KCNU1: variants seen among roughly 807,000 people sequenced by gnomAD.
KCNU1 encodes potassium channel subfamily U member 1.
KCNU1 carries 93 observed loss-of-function variants against 126.8 expected under a neutral mutation model. The observed-to-expected ratio is 0.73, with a 90% CI of 0.62 to 0.87. The LOEUF (loss-of-function observed/expected upper bound fraction) is 0.87, where lower values mean the gene tolerates loss of function less well. KCNU1 is among the 40% of genes least tolerant of loss of function. The pLI is 0.00. For synonymous variants in KCNU1, 523 were observed against 494.2 expected (o/e 1.06, Z -0.77); for missense variants, 1,330 against 1,367.1 (o/e 0.97, Z 0.43).
At chr8:36,796,222 C>A (rs1480176722) in intron 2 of KCNU1, among the ~76,000 whole-genome samples, 3 of 152,092 alleles carry the variant, frequency 2.0e-5, no homozygotes, top group Non-Finnish European at 4.4e-5. Context: ...GAGTGGCTAT[C>A]TTTTCTACTT....
intron 19 of KCNU1, among the ~76,000 whole-genome samples, chr8:36,902,501 A>C (rs1372951823): frequency 6.6e-6 from 1 of 152,074 alleles, no homozygotes; most frequent in Non-Finnish European, 1.5e-5. Flanking sequence ...TGTAGACTTG[A>C]GTGCTGAGGG....
intron 2 of KCNU1, among the ~76,000 whole-genome samples, chr8:36,800,680 C>G (rs1803270415): frequency 6.6e-6 from 1 of 152,198 alleles, no homozygotes; most frequent in East Asian, 1.9e-4. Context: ...GCTCCTCCAA[C>G]CCAATGAAAA....
chr8:36,924,297 T>C (rs1808463588), intron 24 of KCNU1, among the ~76,000 whole-genome samples: 1 of 152,152 alleles, frequency 6.6e-6, no homozygotes, highest in Admixed American at 6.5e-5. Context: ...CTGAGCACAG[T>C]TGATGAACTT....
intron 18 of KCNU1, among the ~76,000 whole-genome samples, chr8:36,856,308 A>T (rs1416167330): frequency 6.6e-6 from 1 of 152,096 alleles, no homozygotes; most frequent in African/African-American, 2.4e-5. Flanking sequence ...CACCCTGTGT[A>T]TAGCTCATGC....
intron 2 of KCNU1, among the ~76,000 whole-genome samples, chr8:36,789,757 T>G (rs1802839139): frequency 6.6e-6 from 1 of 152,150 alleles, no homozygotes; most frequent in Admixed American, 6.5e-5. Flanking sequence ...AAAGGTAAGA[T>G]TTGAGCTAAA....
intron 10 of KCNU1, among the ~76,000 whole-genome samples, chr8:36,824,746 A>G (rs961399520): frequency 1.3e-5 from 2 of 152,264 alleles, no homozygotes; most frequent in African/African-American, 2.4e-5. Flanking sequence ...ATGTGTATAA[A>G]TGGAATATAA....
chr8:36,884,078 C>T (rs751380347), intron 19 of KCNU1, among the ~76,000 whole-genome samples: 1 of 152,104 alleles, frequency 6.6e-6, no homozygotes, highest in African/African-American at 2.4e-5. Context: ...TGTTACCCAC[C>T]TCTTTATTAT....
Position 36,845,812 on chromosome 8 carries a change from T to C in KCNU1, c.1804T>C (p.Tyr602His). Residue 602 changes from tyrosine to histidine, a missense_variant, in exon 18 of 27, where the codon TAC (tyrosine) becomes CAC (histidine). Physicochemically the swap from Tyr to His is moderately conservative, Grantham distance 83 (BLOSUM62 2). Around this residue, in one of 3 missense-constraint regions of KCNU1, gnomAD observed 1,054 missense variants for 1,053.9 expected, o/e 1.00. Transcript: ENST00000399881. ...TCTTTCATTGTCCAGAGCCTTGTTT[T>C]ACTGTTCAGTCTGTCATGATGATGT... ...TPKDVRRALF[Y>H]CSVCHDDVFI... 1 of 1,608,530 alleles carries C rather than the reference T, an allele frequency of 6.2e-7. No homozygotes were observed. Among genetic ancestry groups the C allele is most frequent in the South Asian group, 1.1e-5 (1 of 90,558 alleles).
chr8:36,868,785 T>C (rs946494309), intron 19 of KCNU1, among the ~76,000 whole-genome samples: 1 of 152,144 alleles, frequency 6.6e-6, no homozygotes, highest in Non-Finnish European at 1.5e-5. Flanking sequence ...TTAGCTCTAT[T>C]TGCTTGAATT....
chr8:36,889,176 C>A (rs1806851066), intron 19 of KCNU1: 1 of 534,290 alleles, frequency 1.9e-6, no homozygotes, highest in African/African-American at 1.9e-5. Flanking sequence ...ATATGCCCAG[C>A]AAAACTACCA....
At chr8:36,919,950 C>T (rs928804357) in intron 23 of KCNU1, among the ~76,000 whole-genome samples, 2 of 152,184 alleles carry the variant, frequency 1.3e-5, no homozygotes, top group East Asian at 1.9e-4. Flanking sequence ...GAGGCACTGC[C>T]TCATTGCTAC....
chr8:36,836,425 T>G (rs1440577839), intron 13 of KCNU1, 60 bp downstream of exon 13: 33 of 1,209,460 alleles, frequency 2.7e-5, no homozygotes, highest in Non-Finnish European at 3.7e-5. Context: ...TAGACGAACT[T>G]TTTAATTTTC....
chr8:36,843,499 C>T (rs1210144067), intron 16 of KCNU1, among the ~76,000 whole-genome samples: 1 of 152,190 alleles, frequency 6.6e-6, no homozygotes, highest in African/African-American at 2.4e-5. Flanking sequence ...TCTCATTTTA[C>T]AGAGGAGGAA....
intron 10 of KCNU1, among the ~76,000 whole-genome samples, chr8:36,830,623 A>C (rs1804500852): frequency 6.6e-6 from 1 of 152,106 alleles, no homozygotes; most frequent in Admixed American, 6.6e-5. Flanking sequence ...GTATGGTAGA[A>C]GTTAAACGCG....
chr8:36,933,303 GCTCCATGT>G (rs1404833677), intron 26 of KCNU1, among the ~76,000 whole-genome samples: 1 of 152,034 alleles, frequency 6.6e-6, no homozygotes, highest in Admixed American at 6.6e-5. Flanking sequence ...TTTTAAATCA[GCTCCATGT>G]TTCAATTTTG....
At chr8:36,823,408 A>G (rs1224769705) in intron 10 of KCNU1, among the ~76,000 whole-genome samples, 1 of 152,052 alleles carries the variant, frequency 6.6e-6, no homozygotes, top group Non-Finnish European at 1.5e-5. Flanking sequence ...TAACCATCAG[A>G]TTTGCAAATG....
At chr8:36,835,610 G>A (rs1015265214) in intron 12 of KCNU1, among the ~76,000 whole-genome samples, 8 of 152,136 alleles carry the variant, frequency 5.3e-5, no homozygotes, top group African/African-American at 1.9e-4. Flanking sequence ...CAAAGTGCTG[G>A]GATTACAGGC....
At chr8:36,816,865 AT>A (rs1803931781) in intron 9 of KCNU1, among the ~76,000 whole-genome samples, 1 of 152,002 alleles carries the variant, frequency 6.6e-6, no homozygotes, top group Admixed American at 6.6e-5. Context: ...ACAATCTGGA[AT>A]GTGGTGCTTT....
At chr8:36,864,636 A>G in intron 19 of KCNU1, 115 bp downstream of exon 19, 1 of 659,754 alleles carries the variant, frequency 1.5e-6, no homozygotes, top group Non-Finnish European at 2.7e-6. Context: ...GACCAATGGA[A>G]TTGTTCCTCC....
Sources: allele counts gnomAD v4.1 joint callset (sites outside exome capture counted in the v4.1 genomes callset), GRCh38; gene constraint gnomAD v4.1.1; regional missense constraint gnomAD v4.1.1; transcripts MANE v1.5; gene names NCBI Gene and HGNC (gene_info 2026-07-23, HGNC 2026-07-21).